Variants in WDR25 observed in about 807,000 individuals in gnomAD.
WDR25 encodes WD repeat-containing protein 25.
A neutral mutation model predicts 47.7 loss-of-function variants in WDR25; 35 were observed. The ratio of observed to expected loss-of-function variants is 0.73; its 90% CI spans 0.56 to 0.97. WDR25 has a LOEUF of 0.97. Among genes scored for constraint, WDR25 ranks in the 50% least tolerant of loss-of-function variants. WDR25 has a pLI of 0.00. For missense variants in WDR25, 634 were observed against 704.7 expected (o/e 0.90, Z 1.14); for synonymous variants, 248 against 278.9 (o/e 0.89, Z 1.10).
At chr14:100,379,712 T>G (rs1896827376) in intron 1 of WDR25, among the ~76,000 whole-genome samples, 1 of 151,558 alleles carries the variant, frequency 6.6e-6, no homozygotes, top group African/African-American at 2.4e-5. Flanking sequence ...TGTCCTTCAA[T>G]AAAAGTTTTA....
In WDR25 at chr14:100,518,787, G is replaced by A. The variant is rs150137883; in HGVS notation, c.1102-7083G>A. Among the ~76,000 whole-genome samples, 106 of 151,974 alleles carry A rather than the reference G, an allele frequency of 7.0e-4. 1 individual carries two copies. The East Asian group carries it at 0.013, about 18-fold the overall frequency. On this transcript the variant is annotated intron_variant, in intron 4 of 6. Transcript: ENST00000402312. The stretch of plus-strand genomic sequence containing the variant: ...GTGCCTGTAGTCCCAGCTAGAGGAC[G>A]GGAGGCTGAGGCAGAAGAATCGCTT...
chr14:100,405,450 C>A (rs1447455431), intron 2 of WDR25, among the ~76,000 whole-genome samples: 4 of 151,850 alleles, frequency 2.6e-5, no homozygotes, highest in African/African-American at 9.7e-5. Context: ...CATGAGCCAC[C>A]ATGCCTGGCC....
At chr14:100,459,878 GTA>G (rs1476564239) in intron 2 of WDR25, among the ~76,000 whole-genome samples, 2,107 of 95,680 alleles carry the variant, frequency 0.022, 88 homozygotes, top group African/African-American at 0.079. Context: ...ATATATATCC[GTA>G]TATGTGTGTG....
rs559800456 is a variant in WDR25 at position 100,423,121 on chromosome 14, T to C, written c.822+41375T>C. ...ATTTAAAAATGCCCTGAAGCTTGCT[T>C]TCTCTTTGTCTGGGAGCCCTGTTCT... On this transcript the variant is annotated intron_variant, in intron 2 of 6. Coordinates refer to ENST00000402312, the MANE Select transcript of WDR25 (RefSeq NM_001161476.3). 2.0e-5 allele frequency among the ~76,000 whole-genome samples: 3 copies of C among 152,350 alleles called. No individual in the cohort carries two copies. In the East Asian group the frequency reaches 5.8e-4, roughly 29 times the overall value.
intron 4 of WDR25, among the ~76,000 whole-genome samples, chr14:100,518,201 T>C (rs1005938482): frequency 6.6e-6 from 1 of 152,220 alleles, no homozygotes; most frequent in African/African-American, 2.4e-5. Flanking sequence ...TTCTTCTTCA[T>C]TTGTAAAGGC....
chr14:100,519,712 G>C (rs996267249), intron 4 of WDR25, among the ~76,000 whole-genome samples: 1 of 138,898 alleles, frequency 7.2e-6, no homozygotes, highest in African/African-American at 2.7e-5. Flanking sequence ...AGTATATATA[G>C]TGTATATATA....
chr14:100,505,142 A>G (rs1363443701), intron 4 of WDR25, among the ~76,000 whole-genome samples: 1 of 152,162 alleles, frequency 6.6e-6, no homozygotes, highest in Non-Finnish European at 1.5e-5. Context: ...GTGTTCTAAG[A>G]AATCTTTACC....
chr14:100,409,133 C>T (rs1339246706), intron 2 of WDR25, among the ~76,000 whole-genome samples: 1 of 152,144 alleles, frequency 6.6e-6, no homozygotes, highest in African/African-American at 2.4e-5. Context: ...CAGGTTCCTC[C>T]CTCCAAACAA....
intron 2 of WDR25, among the ~76,000 whole-genome samples, chr14:100,433,895 G>A (rs2140235805): frequency 6.6e-6 from 1 of 152,172 alleles, no homozygotes; most frequent in East Asian, 1.9e-4. Flanking sequence ...CATCTCCAAG[G>A]AGCTCTGGTT....
At chr14:100,483,011 G>A (rs911727071) in intron 3 of WDR25, among the ~76,000 whole-genome samples, 4 of 152,170 alleles carry the variant, frequency 2.6e-5, no homozygotes, top group Admixed American at 1.3e-4. Flanking sequence ...AGCCCTGCCT[G>A]TGGGGGACAT....
chr14:100,386,330 T>G (rs1054283792), intron 2 of WDR25, among the ~76,000 whole-genome samples: 2 of 152,222 alleles, frequency 1.3e-5, no homozygotes, highest in Non-Finnish European at 2.9e-5. Context: ...TTCCTATCTG[T>G]TTACATAATT....
chr14:100,379,506 G>C (rs1010042367), intron 1 of WDR25, among the ~76,000 whole-genome samples: 1 of 150,854 alleles, frequency 6.6e-6, no homozygotes, highest in African/African-American at 2.4e-5. Flanking sequence ...TTCTGTCTCA[G>C]CCTCTCAAGT....
rs1488730459 is a variant in WDR25 at position 100,484,013 on chromosome 14, T to G, written c.990T>G (p.Gly330=). ...DLETGTQLFS[G]RSDFRITTLK... is the part of the protein sequence containing the mutation. ...TTGTAGGAACCCAGCTATTTAGTGGTCGAAGTGACTTTAGAATCACTACCT... is the reference window on the plus strand; with the variant it reads ...TTGTAGGAACCCAGCTATTTAGTGGGCGAAGTGACTTTAGAATCACTACCT... The change falls in exon 4 of 7, where the codon GGT becomes GGG. Residue 330 remains glycine, a synonymous_variant. Transcript: ENST00000402312. The G allele has an allele frequency of 6.2e-7, 1 of 1,613,024 alleles. No individual in the cohort carries two copies. Among genetic ancestry groups the G allele is most frequent in the Non-Finnish European group, 8.5e-7 (1 of 1,179,768 alleles).
At position 100,526,020 on chromosome 14, in the gene WDR25, A is replaced by G. The variant is rs1211867882; in HGVS notation, c.1252A>G (p.Ile418Val). The change falls in exon 5 of 7, where the codon ATC becomes GTC. Residue 418 changes from isoleucine (I) to valine (V), a missense_variant. Ile to Val is a conservative substitution (Grantham distance 29). Coordinates refer to ENST00000402312, the MANE Select transcript of WDR25 (RefSeq NM_001161476.3). ...CTGGGATTTCCGGACCTCTGCCAAA[A>G]TCTCCAACCAGATTTTCCACGTAAG... ...IAWDFRTSAK[I>V]SNQIFHERFT... is the part of the protein sequence containing the mutation. The G allele has an allele frequency of 6.2e-7, 1 of 1,613,984 alleles. No homozygotes were observed. Among genetic ancestry groups the G allele is most frequent in the African/African-American group, 1.3e-5 (1 of 75,018 alleles).
chr14:100,495,362 A>G (rs997868482), intron 4 of WDR25, among the ~76,000 whole-genome samples: 3 of 152,204 alleles, frequency 2.0e-5, no homozygotes, highest in Non-Finnish European at 4.4e-5. Flanking sequence ...TCTCAAAAAC[A>G]AACAAACAAA....
chr14:100,508,259 T>C (rs190993551), intron 4 of WDR25, among the ~76,000 whole-genome samples: 10 of 152,232 alleles, frequency 6.6e-5, no homozygotes, highest in Admixed American at 5.2e-4. Context: ...AACTAGGCCT[T>C]GAAGGAACAT....
intron 2 of WDR25, among the ~76,000 whole-genome samples, chr14:100,409,822 T>C (rs1364198616): frequency 1.3e-5 from 2 of 152,334 alleles, no homozygotes; most frequent in East Asian, 3.9e-4. Context: ...CCAATGTGGC[T>C]CAAGTTAATA....
At chr14:100,478,968 A>T (rs988296253) in intron 3 of WDR25, among the ~76,000 whole-genome samples, 2 of 152,044 alleles carry the variant, frequency 1.3e-5, no homozygotes, top group African/African-American at 4.8e-5. Flanking sequence ...GGATTTAAGG[A>T]TTGGCAATGA....
chr14:100,467,141 AGCTGCCCCTACG>A (rs762358196), intron 2 of WDR25, among the ~76,000 whole-genome samples: 3 of 152,262 alleles, frequency 2.0e-5, no homozygotes, highest in Non-Finnish European at 4.4e-5. Flanking sequence ...ACAAAAGGAC[AGCTGCCCCTACG>A]GCAGATATTT....
Sources: allele counts gnomAD v4.1 joint callset (sites outside exome capture counted in the v4.1 genomes callset), GRCh38; gene constraint gnomAD v4.1.1; transcripts MANE v1.5; gene names NCBI Gene and HGNC (gene_info 2026-07-23, HGNC 2026-07-21).